CFAP47: variants seen among roughly 807,000 people sequenced by gnomAD.
CFAP47 encodes cilia and flagella associated protein 47, also known as cilia- and flagella-associated protein 47.
CFAP47 carries 29 observed loss-of-function variants against 148.1 expected under a neutral mutation model. That is an observed-to-expected ratio of 0.20 (90% confidence interval 0.15 to 0.27). The LOEUF is 0.27. Among genes scored for constraint, CFAP47 ranks in the 10% least tolerant of loss-of-function variants. The pLI is 1.00. For missense variants in CFAP47, 1,872 were observed against 1,697.5 expected (o/e 1.10, Z -1.81); for synonymous variants, 664 against 577.3 (o/e 1.15, Z -2.15).
At chrX:35,957,453 A>C (rs1436209348) in intron 8 of CFAP47, among the ~76,000 whole-genome samples, 2 of 111,908 alleles carry the variant, frequency 1.8e-5, no homozygotes, top group African/African-American at 6.5e-5. Context: ...GAACTATTGT[A>C]TACATGTTTA....
chrX:36,066,948 GGAA>G (rs1937649513), intron 27 of CFAP47, among the ~76,000 whole-genome samples: 3 of 112,012 alleles, frequency 2.7e-5, no homozygotes, highest in African/African-American at 9.7e-5. Flanking sequence ...TCAGGGGTAA[GGAA>G]GAAGAATTTA....
chrX:36,182,210 G>T (rs989772154), intron 40 of CFAP47, among the ~76,000 whole-genome samples: 6 of 112,210 alleles, frequency 5.3e-5, no homozygotes, highest in African/African-American at 1.9e-4. Flanking sequence ...AGGGAAGTTT[G>T]CCAGAAATAC....
chrX:36,090,944 C>T (rs932873677), intron 30 of CFAP47, among the ~76,000 whole-genome samples: 1 of 110,606 alleles, frequency 9.0e-6, no homozygotes, highest in Non-Finnish European at 1.9e-5. Flanking sequence ...CCACCCAATG[C>T]GAACTTGGAA....
At chrX:36,077,496 G>A (rs893779019) in intron 29 of CFAP47, among the ~76,000 whole-genome samples, 1 of 108,391 alleles carries the variant, frequency 9.2e-6, no homozygotes, top group Admixed American at 1.0e-4. Context: ...CCCTTGGTCA[G>A]ATGTATTATT....
intron 1 of CFAP47, among the ~76,000 whole-genome samples, chrX:35,922,714 C>T (rs1230785459): frequency 1.8e-5 from 2 of 112,439 alleles, no homozygotes; most frequent in East Asian, 5.6e-4. Flanking sequence ...GTGTTACTTC[C>T]AAATCACTCC....
intron 29 of CFAP47, among the ~76,000 whole-genome samples, chrX:36,083,348 G>A (rs1238111139): frequency 9.1e-6 from 1 of 109,842 alleles, no homozygotes; most frequent in African/African-American, 3.3e-5. Context: ...ATATATGTAT[G>A]TATATATATG....
intron 27 of CFAP47, among the ~76,000 whole-genome samples, chrX:36,067,754 C>T (rs1452417491): frequency 9.3e-6 from 1 of 107,531 alleles, no homozygotes; most frequent in Admixed American, 1.0e-4. Flanking sequence ...GCTCCGCCTC[C>T]CAAGTTCACG....
At chrX:36,213,284 T>C (rs1940122818) in intron 45 of CFAP47, among the ~76,000 whole-genome samples, 1 of 111,486 alleles carries the variant, frequency 9.0e-6, no homozygotes, top group African/African-American at 3.3e-5. Context: ...TAACATTTTT[T>C]GACTTAAAGC....
chrX:36,138,575 G>A lies in CFAP47; in HGVS notation c.5535+111G>A, dbSNP rs1399110245. 1.1e-5 allele frequency: 9 copies of A among 820,605 alleles called. No homozygotes were observed. In the Admixed American group the frequency reaches 3.7e-4, roughly 34 times the overall value. The allele number at this position is 820,605 out of a possible 1,213,427, so 67.6% of individuals were successfully genotyped here. A position where few individuals can be genotyped will look rare whatever the true frequency, so the allele number is the denominator to read the frequency against. ...ATTTTTGAAATTTAAATTGAAACAGGCTTTTGATGAGACATTGCTAAAATG... is the reference window on the plus strand; with the variant it reads ...ATTTTTGAAATTTAAATTGAAACAGACTTTTGATGAGACATTGCTAAAATG... On this transcript the variant is annotated intron_variant, in intron 35 of 63. Transcript: ENST00000378653.
intron 26 of CFAP47, among the ~76,000 whole-genome samples, chrX:36,064,092 A>G (rs1441326656): frequency 3.6e-5 from 4 of 112,000 alleles, no homozygotes; most frequent in Non-Finnish European, 7.5e-5. Context: ...TTCTTATTCT[A>G]TGTGGTAGTG....
chrX:36,309,693 T>C (rs1280624435), intron 55 of CFAP47, among the ~76,000 whole-genome samples: 1 of 111,155 alleles, frequency 9.0e-6, no homozygotes. Context: ...TCATTTACAA[T>C]GGTTTAAAGT....
intron 30 of CFAP47, among the ~76,000 whole-genome samples, chrX:36,089,298 G>A (rs997366754): frequency 9.0e-6 from 1 of 110,573 alleles, no homozygotes; most frequent in African/African-American, 3.3e-5. Context: ...GAACCCGGGA[G>A]GCGAAGGTTG....
chrX:36,233,011 T>G (rs1478381936), intron 46 of CFAP47, among the ~76,000 whole-genome samples: 1 of 111,937 alleles, frequency 8.9e-6, no homozygotes, highest in Non-Finnish European at 1.9e-5. Context: ...CTTTTACATT[T>G]GCTGAGGAGA....
At chrX:36,206,337 G>C (rs782240093) in intron 45 of CFAP47, among the ~76,000 whole-genome samples, 1 of 111,388 alleles carries the variant, frequency 9.0e-6, no homozygotes, top group East Asian at 2.8e-4. Context: ...TCCCTTTTGA[G>C]ATAACTGGAT....
At chrX:36,016,533 C>G (rs1336099397) in intron 22 of CFAP47, among the ~76,000 whole-genome samples, 1 of 110,716 alleles carries the variant, frequency 9.0e-6, no homozygotes, top group Admixed American at 9.7e-5. Context: ...ATCTGTACCA[C>G]ATTTTCTTTA....
intron 60 of CFAP47, among the ~76,000 whole-genome samples, 174 bp downstream of exon 60, chrX:36,353,855 C>T (rs782273813): frequency 1.8e-5 from 2 of 111,921 alleles, no homozygotes; most frequent in East Asian, 2.8e-4. Context: ...GTTATTTTCA[C>T]GTAGCTCAAA....
At chrX:35,947,672 T>G (rs968347193) in intron 3 of CFAP47, among the ~76,000 whole-genome samples, 1 of 110,014 alleles carries the variant, frequency 9.1e-6, no homozygotes, top group African/African-American at 3.3e-5. Flanking sequence ...AAGATACGAA[T>G]GTGGAAAAAG....
chrX:35,932,380 C>G (rs1935844036), intron 2 of CFAP47, among the ~76,000 whole-genome samples: 2 of 106,689 alleles, frequency 1.9e-5, no homozygotes, highest in Non-Finnish European at 3.9e-5. Context: ...CTGCCTCAGC[C>G]TCCTGAGTAG....
At chrX:36,305,021 G>C (rs1941335742) in intron 54 of CFAP47, among the ~76,000 whole-genome samples, 6 of 111,637 alleles carry the variant, frequency 5.4e-5, no homozygotes, top group South Asian at 7.4e-4. Context: ...TTAAATAAAG[G>C]CTTTTACTAT....
Sources: gnomAD v4.1 joint callset for allele counts (sites outside exome capture counted in the v4.1 genomes callset) on GRCh38, gnomAD v4.1.1 for gene constraint, MANE v1.5 for transcripts, NCBI Gene and HGNC (gene_info 2026-07-23, HGNC 2026-07-21) for gene names.